Variants in DAPK1 observed in about 807,000 individuals in gnomAD.
The protein encoded by DAPK1 is death associated protein kinase 1.
In DAPK1, 56 loss-of-function variants were observed where a neutral mutation model predicts 144.9. The observed-to-expected ratio is 0.39, with a 90% CI of 0.31 to 0.48. The LOEUF (loss-of-function observed/expected upper bound fraction) is 0.48. Among genes scored for constraint, DAPK1 ranks in the 20% least tolerant of loss-of-function variants. The probability of loss-of-function intolerance (pLI) is 0.95; values close to 1 mark genes in which losing one functional copy is unlikely to be tolerated. For synonymous variants in DAPK1, 690 were observed against 749.0 expected (o/e 0.92, Z 1.29); for missense variants, 1,454 against 1,875.4 (o/e 0.78, Z 4.15).
Position 87,698,664 on chromosome 9 carries a change from G to A in DAPK1, c.2620G>A (p.Gly874Ser). ...VPVEEPIAFGGKLKNPLQVVL... is the reference protein window; with the variant it reads ...VPVEEPIAFGSKLKNPLQVVL... ...TCCCTCTCTGCCCCCAGCCTTCGGT[G>A]GCAAGCTGAAGAACCCACTCCAAGT... Residue 874 changes from glycine to serine, a missense_variant, in exon 23 of 26, where the codon GGC becomes AGC. Physicochemically the swap from Gly to Ser is moderately conservative, Grantham distance 56. Transcript: ENST00000408954. The A allele has an allele frequency of 6.2e-7, 1 of 1,605,828 alleles. No individual in the cohort carries two copies. The highest frequency in any genetic ancestry group is 8.5e-7 in the Non-Finnish European group (1 of 1,172,782).
intron 18 of DAPK1, among the ~76,000 whole-genome samples, chr9:87,663,049 C>T (rs1022923333): frequency 2.6e-5 from 4 of 152,044 alleles, no homozygotes; most frequent in Non-Finnish European, 5.9e-5. Flanking sequence ...TCCTTCAGAA[C>T]CACCCTTGAC....
In DAPK1 at chr9:87,498,007, G is replaced by A; in HGVS notation, c.-209G>A. 5.0e-6 allele frequency: 2 copies of A among 397,732 alleles called. No homozygotes were observed. The highest frequency in any genetic ancestry group is 8.9e-6 in the Non-Finnish European group (2 of 225,674). 24.6% of individuals were successfully genotyped at this position (397,732 alleles called of 1,614,324 possible). A position where few individuals can be genotyped will look rare whatever the true frequency, so the allele number is the denominator to read the frequency against. Reference sequence around the variant, plus strand: ...ATCTGCGCCCCCCACTCACTCCCTAGCTGTGTTCCCGCCGCCGCCCCGGCT... The same window carrying A: ...ATCTGCGCCCCCCACTCACTCCCTAACTGTGTTCCCGCCGCCGCCCCGGCT... On this transcript the variant is annotated 5_prime_UTR_variant, in exon 1 of 26. Transcript: ENST00000408954.
intron 2 of DAPK1, among the ~76,000 whole-genome samples, chr9:87,600,329 T>C (rs1274219058): frequency 6.6e-6 from 1 of 152,234 alleles, no homozygotes; most frequent in African/African-American, 2.4e-5. Flanking sequence ...CTCATGCCTG[T>C]AATTCCCCGA....
In DAPK1 at chr9:87,497,888, AGCCGGACCGAGCCAAC is replaced by A; in HGVS notation, c.-322_-307del. On this transcript the variant is annotated 5_prime_UTR_variant, in exon 1 of 26. Transcript: ENST00000408954. ...GGCTGCTTCGGAGTGTGAGGAGGAC[AGCCGGACCGAGCCAAC>A]GCCGGGGACTTTGTTCCCTCCGCGG... 3 of 393,518 alleles carry A rather than the reference AGCCGGACCGAGCCAAC, an allele frequency of 7.6e-6. No individual in the cohort carries two copies. The highest frequency in any genetic ancestry group is 1.3e-5 in the Non-Finnish European group (3 of 223,362). The allele number at this position is 393,518 out of a possible 1,614,324, so 24.4% of individuals were successfully genotyped here. A position where few individuals can be genotyped will look rare whatever the true frequency, so the allele number is the denominator to read the frequency against.
At chr9:87,549,299 C>T (rs1826384523) in intron 2 of DAPK1, among the ~76,000 whole-genome samples, 1 of 152,128 alleles carries the variant, frequency 6.6e-6, no homozygotes, top group Non-Finnish European at 1.5e-5. Context: ...CATAGTATTC[C>T]ATGTTGTATA....
At chr9:87,658,687 T>C (rs1830720348) in intron 18 of DAPK1, among the ~76,000 whole-genome samples, 1 of 152,242 alleles carries the variant, frequency 6.6e-6, no homozygotes, top group Non-Finnish European at 1.5e-5. Context: ...ACCTCCCTGC[T>C]GAGGAAACCC....
At position 87,703,096 on chromosome 9, in the gene DAPK1, A is replaced by G. The variant is rs762113926; in HGVS notation, c.2939A>G (p.Asn980Ser). ...ACGCTGCCTTCCTGGAGGAAGCTCA[A>G]TGGACCCAACCAGCTGATGTCGCTG... ...ISTLPSWRKL[N>S]GPNQLMSLQQ... The change falls in exon 25 of 26, where the codon AAT becomes AGT. Residue 980 changes from asparagine to serine, a missense_variant. Physicochemically the swap from Asn to Ser is conservative, Grantham distance 46. This residue lies in a region of DAPK1 where 1,025 missense variants were observed against 1,237.9 expected (regional missense o/e 0.83). Coordinates refer to ENST00000408954, the MANE Select transcript of DAPK1 (RefSeq NM_004938.4). 4.7e-5 allele frequency: 75 copies of G among 1,600,622 alleles called. No homozygotes were observed. In the Admixed American group the frequency reaches 1.0e-3, roughly 21 times the overall value.
chr9:87,632,903 A>AGT (rs1489076934), intron 3 of DAPK1: 2 of 767,690 alleles, frequency 2.6e-6, no homozygotes, highest in African/African-American at 2.9e-5. Context: ...AAGGAGGATG[A>AGT]GTATATATAT....
intron 2 of DAPK1, among the ~76,000 whole-genome samples, chr9:87,567,841 T>C (rs1827184721): frequency 6.6e-6 from 1 of 152,190 alleles, no homozygotes. Context: ...TTGAATGGAT[T>C]GGCTAGCGAT....
chr9:87,540,141 G>A (rs1215244850), intron 2 of DAPK1, among the ~76,000 whole-genome samples: 1 of 137,500 alleles, frequency 7.3e-6, no homozygotes. Context: ...ACAGTATATT[G>A]TTATAATTGT....
At chr9:87,699,888 G>T (rs757026059) in intron 23 of DAPK1, among the ~76,000 whole-genome samples, 2 of 152,124 alleles carry the variant, frequency 1.3e-5, no homozygotes, top group Non-Finnish European at 2.9e-5. Context: ...ATGCAAACCT[G>T]AAGGTCCCGC....
chr9:87,626,590 G>T (rs1187440716), intron 3 of DAPK1, among the ~76,000 whole-genome samples: 1 of 152,206 alleles, frequency 6.6e-6, no homozygotes, highest in African/African-American at 2.4e-5. Flanking sequence ...ATATCCTAGA[G>T]CCTAGAAAAC....
Position 87,706,241 on chromosome 9 carries a change from T to C in DAPK1, c.3170T>C (p.Leu1057Pro). The part of the protein sequence containing the change: ...KLLSVETPRA[L>P]HHYRGRYTVE... ...CTGTCCGTGGAGACCCCACGGGCGC[T>C]GCACCACTACCGGGGCCGCTACACC... Residue 1057 changes from leucine to proline, a missense_variant, in exon 26 of 26, where the codon CTG (leucine) becomes CCG (proline). Leu to Pro is a moderately conservative substitution (Grantham distance 98). This residue lies in a region of DAPK1 where 1,025 missense variants were observed against 1,237.9 expected (regional missense o/e 0.83). Transcript: ENST00000408954. This position sits in a 1 kb window ranked among gnomAD's most constrained non-coding sequence, Gnocchi z 9.0. The C allele has an allele frequency of 6.2e-7, 1 of 1,613,786 alleles. No homozygotes were observed. The highest frequency in any genetic ancestry group is 8.5e-7 in the Non-Finnish European group (1 of 1,179,716).
At chr9:87,583,443 A>C (rs1827824421) in intron 2 of DAPK1, among the ~76,000 whole-genome samples, 1 of 152,214 alleles carries the variant, frequency 6.6e-6, no homozygotes, top group Non-Finnish European at 1.5e-5. Context: ...CCCAAGCAAT[A>C]GGCTTGCTAA....
intron 2 of DAPK1, among the ~76,000 whole-genome samples, chr9:87,589,934 A>G (rs1564010605): frequency 6.6e-6 from 1 of 152,230 alleles, no homozygotes; most frequent in African/African-American, 2.4e-5. Context: ...ATGAGGTCAC[A>G]GGCCTCGGTG....
At chr9:87,501,892 CT>C (rs1824416006) in intron 2 of DAPK1, among the ~76,000 whole-genome samples, 1 of 152,186 alleles carries the variant, frequency 6.6e-6, no homozygotes, top group African/African-American at 2.4e-5. Context: ...GGCTCTGCAA[CT>C]TGCCAGTTTT....
intron 9 of DAPK1, among the ~76,000 whole-genome samples, chr9:87,641,159 A>G (rs36211679): frequency 2.6e-5 from 4 of 152,238 alleles, no homozygotes; most frequent in Non-Finnish European, 5.9e-5. Context: ...TGATTCCAGC[A>G]TGTAAATATC....
At chr9:87,628,722 G>A (rs1829565817) in intron 3 of DAPK1, among the ~76,000 whole-genome samples, 1 of 152,214 alleles carries the variant, frequency 6.6e-6, no homozygotes, top group South Asian at 2.1e-4. Flanking sequence ...CACCAGGATA[G>A]TTACGGTAAA....
chr9:87,681,278 C>CAAAAAAGA (rs1554703837), intron 19 of DAPK1, 126 bp from the exon 20 acceptor site: 6 of 608,168 alleles, frequency 9.9e-6, no homozygotes, highest in African/African-American at 1.9e-5. Context: ...AACTCCGTCT[C>CAAAAAAGA]AAAAAAGAAA....
Sources: allele counts gnomAD v4.1 joint callset (sites outside exome capture counted in the v4.1 genomes callset), GRCh38; gene constraint gnomAD v4.1.1; regional missense constraint gnomAD v4.1.1; non-coding constraint Gnocchi (gnomAD v3.1); transcripts MANE v1.5; gene names NCBI Gene and HGNC (gene_info 2026-07-23, HGNC 2026-07-21).